CFAP20: variants seen among roughly 807,000 people sequenced by gnomAD.
CFAP20 encodes cilia- and flagella-associated protein 20.
CFAP20 carries 14 observed loss-of-function variants against 25.5 expected under a neutral mutation model. The ratio of observed to expected loss-of-function variants is 0.55; its 90% CI spans 0.36 to 0.86. The LOEUF is 0.86. CFAP20 is among the 40% of genes least tolerant of loss of function. CFAP20 has a pLI of 0.01. For missense variants in CFAP20, 181 were observed against 248.0 expected (o/e 0.73, Z 1.81); for synonymous variants, 75 against 91.1 (o/e 0.82, Z 1.01).
At chr16:58,123,627 A>AAAAAAAAT (rs1960569183) in intron 1 of CFAP20, among the ~76,000 whole-genome samples, 1 of 141,804 alleles carries the variant, frequency 7.1e-6, no homozygotes, top group Non-Finnish European at 1.5e-5. Flanking sequence ...AAAAAAAAAA[A>AAAAAAAAT]AAGACTGAAA....
chr16:58,116,393 A>G (rs1960458197), intron 2 of CFAP20, among the ~76,000 whole-genome samples: 1 of 152,220 alleles, frequency 6.6e-6, no homozygotes. Flanking sequence ...ACAAAGCCAG[A>G]CAGTGGATCT....
chr16:58,123,151 T>C (rs1319677454), intron 1 of CFAP20, among the ~76,000 whole-genome samples: 1 of 151,826 alleles, frequency 6.6e-6, no homozygotes, highest in Non-Finnish European at 1.5e-5. Flanking sequence ...TGTGCCACCA[T>C]GCCCGGCTAA....
At chr16:58,127,425 A>C (rs1960630306) in intron 1 of CFAP20, among the ~76,000 whole-genome samples, 1 of 152,198 alleles carries the variant, frequency 6.6e-6, no homozygotes, top group Non-Finnish European at 1.5e-5. Flanking sequence ...ACTTTGTTAC[A>C]ATTCAGTTTC....
At chr16:58,121,500 G>A (rs1960535076) in intron 1 of CFAP20, among the ~76,000 whole-genome samples, 1 of 152,084 alleles carries the variant, frequency 6.6e-6, no homozygotes, top group East Asian at 1.9e-4. Flanking sequence ...GCCTATGAGT[G>A]CTTTATTCCT....
At position 58,113,965 on chromosome 16, in the gene CFAP20, A is replaced by G; in HGVS notation, c.*60T>C. 2 of 1,557,300 alleles carry G rather than the reference A, an allele frequency of 1.3e-6. No individual in the cohort carries two copies. The highest frequency in any genetic ancestry group is 4.5e-5 in the East Asian group (2 of 44,568). On this transcript the variant is annotated 3_prime_UTR_variant, in exon 6 of 6. Transcript: ENST00000262498. The stretch of plus-strand genomic sequence containing the variant: ...TATGTTTTTGCATCGTCCTCCACAT[A>G]GTTTCCTTTTAAAAAGAAGAGTCAC...
chr16:58,129,037 T>C lies in CFAP20; in HGVS notation c.79A>G (p.Lys27Glu), dbSNP rs1054935760. ...IGSKPLQIWD[K>E]KVRNGHIKRI... The stretch of plus-strand genomic sequence containing the variant: ...GTCGCCGCCCCTAGCCCGACCTTTT[T>C]GTCCCAGATTTGCAGAGGCTTGCTG... The change falls in exon 1 of 6, where the codon AAA (lysine) becomes GAA (glutamate). Residue 27 changes from lysine (K) to glutamate (E), a missense_variant. Lys to Glu is a moderately conservative substitution (Grantham distance 56, BLOSUM62 1). Coordinates refer to ENST00000262498, the MANE Select transcript of CFAP20 (RefSeq NM_013242.3). The C allele has an allele frequency of 1.2e-6, 2 of 1,613,590 alleles. No individual in the cohort carries two copies. The highest frequency in any genetic ancestry group is 1.7e-6 in the Non-Finnish European group (2 of 1,179,934).
intron 1 of CFAP20, 26 bp from the exon 2 acceptor site, chr16:58,116,977 A>G (rs1960466140): frequency 6.2e-7 from 1 of 1,602,006 alleles, no homozygotes; most frequent in Non-Finnish European, 8.6e-7. Context: ...TTCGATTAGT[A>G]CTGAAATATC....
At chr16:58,115,938 G>A (rs1011068727) in intron 3 of CFAP20, 103 bp downstream of exon 3, 3 of 765,044 alleles carry the variant, frequency 3.9e-6, no homozygotes, top group South Asian at 1.8e-5. Flanking sequence ...AAGAATACAT[G>A]CAAAAGGATA....
At chr16:58,127,747 A>G (rs766180912) in intron 1 of CFAP20, among the ~76,000 whole-genome samples, 1 of 152,230 alleles carries the variant, frequency 6.6e-6, no homozygotes, top group African/African-American at 2.4e-5. Flanking sequence ...GCCCAACTTC[A>G]TTATATTCAG....
At chr16:58,126,189 A>G (rs553309917) in intron 1 of CFAP20, among the ~76,000 whole-genome samples, 2 of 152,314 alleles carry the variant, frequency 1.3e-5, no homozygotes, top group African/African-American at 4.8e-5. Flanking sequence ...TCTTCTGCTT[A>G]AGGAACCTGC....
At chr16:58,126,166 G>T (rs1027068753) in intron 1 of CFAP20, among the ~76,000 whole-genome samples, 2 of 152,138 alleles carry the variant, frequency 1.3e-5, no homozygotes, top group Non-Finnish European at 2.9e-5. Context: ...GAGGTTTTTC[G>T]GTAAGGTACT....
Position 58,116,146 on chromosome 16 carries a change from T to C in CFAP20, c.171A>G (p.Thr57=), listed in dbSNP as rs1960455566. The C allele has an allele frequency of 1.2e-6, 2 of 1,606,008 alleles. No individual in the cohort carries two copies. Among genetic ancestry groups the C allele is most frequent in the African/African-American group, 1.3e-5 (1 of 74,716 alleles). The change falls in exon 3 of 6, where the codon ACA becomes ACG. Residue 57 remains threonine, a synonymous_variant. Coordinates refer to ENST00000262498, the MANE Select transcript of CFAP20 (RefSeq NM_013242.3). Reference sequence around the variant, plus strand: ...TGGGGTCTGCAGGGCATGTGATATATGTGGTGCTGTAGAGAGAGGAAATAC... The same window carrying C: ...TGGGGTCTGCAGGGCATGTGATATACGTGGTGCTGTAGAGAGAGGAAATAC... ...LEIEGTNVST[T]YITCPADPKK... is the part of the protein sequence containing the mutation.
chr16:58,129,002 A>AC, intron 1 of CFAP20, 30 bp downstream of exon 1: 1 of 1,467,430 alleles, frequency 6.8e-7, no homozygotes, highest in Non-Finnish European at 9.3e-7. Flanking sequence ...CAGCCCCTCC[A>AC]CCCCGCCCCG....
Position 58,114,005 on chromosome 16 carries a change from C to G in CFAP20, c.*20G>C, listed in dbSNP as rs745820488. 5.6e-6 allele frequency: 9 copies of G among 1,612,390 alleles called. No individual in the cohort carries two copies. In the African/African-American group the frequency reaches 9.3e-5, roughly 17 times the overall value. On this transcript the variant is annotated 3_prime_UTR_variant, in exon 6 of 6. Coordinates refer to ENST00000262498, the MANE Select transcript of CFAP20 (RefSeq NM_013242.3). ...AGAAGAGTCACATCCAGGGGTCTAT[C>G]CCTCGAGTCACAATTCCAGTTATTG... is the stretch of plus-strand genomic sequence containing the variant.
rs372295361 is a variant in CFAP20 at position 58,113,900 on chromosome 16, G to C, written c.*125C>G. On this transcript the variant is annotated 3_prime_UTR_variant, in exon 6 of 6. Transcript: ENST00000262498. ...CGGTGTCCATGACAAGCAACACCAA[G>C]TATAAATAACAGAACTACAGCAGAG... The C allele has an allele frequency of 2.0e-4, 234 of 1,151,508 alleles. 1 individual carries two copies. The East Asian group carries it at 5.0e-3, about 25-fold the overall frequency. The allele number at this position is 1,151,508 out of a possible 1,614,324, so 71.3% of individuals were successfully genotyped here.
intron 1 of CFAP20, among the ~76,000 whole-genome samples, chr16:58,119,796 C>G (rs1176075869): frequency 6.6e-6 from 1 of 151,746 alleles, no homozygotes; most frequent in African/African-American, 2.4e-5. Flanking sequence ...AAGTGCCCAC[C>G]TCACTCGCCA....
rs1227667586 is a variant in CFAP20, at chr16:58,113,914, A to G, written c.*111T>C. 1 of 1,273,234 alleles carries G rather than the reference A, an allele frequency of 7.9e-7. No individual in the cohort carries two copies. Among genetic ancestry groups the G allele is most frequent in the African/African-American group, 1.5e-5 (1 of 67,708 alleles). 78.9% of individuals were successfully genotyped at this position (1,273,234 alleles called of 1,614,324 possible). The stretch of plus-strand genomic sequence containing the variant: ...AGCAACACCAAGTATAAATAACAGA[A>G]CTACAGCAGAGCAAACTAAGATAAA... On this transcript the variant is annotated 3_prime_UTR_variant, in exon 6 of 6. Transcript: ENST00000262498.
In CFAP20 at chr16:58,129,213, C is replaced by G. The variant is rs1474454766; in HGVS notation, c.-98G>C. 1.5e-6 allele frequency: 2 copies of G among 1,344,420 alleles called. No individual in the cohort carries two copies. Among genetic ancestry groups the G allele is most frequent in the African/African-American group, 1.5e-5 (1 of 68,770 alleles). The allele number at this position is 1,344,420 out of a possible 1,614,324, so 83.3% of individuals were successfully genotyped here. ...TCGAGGGCACAGCAGCAGGCCGGCCCTGTTCCGAAGAAGGGTGGTTGAGCT... is the reference window on the plus strand; with the variant it reads ...TCGAGGGCACAGCAGCAGGCCGGCCGTGTTCCGAAGAAGGGTGGTTGAGCT... On this transcript the variant is annotated 5_prime_UTR_variant, in exon 1 of 6. Coordinates refer to ENST00000262498, the MANE Select transcript of CFAP20 (RefSeq NM_013242.3).
At chr16:58,114,974 T>A in intron 4 of CFAP20, 54 bp from the exon 5 acceptor site, 1 of 1,464,458 alleles carries the variant, frequency 6.8e-7, no homozygotes, top group Non-Finnish European at 9.5e-7. Context: ...CTCCCCCTTT[T>A]CCTGAATCTT....
Sources: allele counts gnomAD v4.1 joint callset (sites outside exome capture counted in the v4.1 genomes callset), GRCh38; gene constraint gnomAD v4.1.1; transcripts MANE v1.5; gene names NCBI Gene and HGNC (gene_info 2026-07-23, HGNC 2026-07-21).